CCDC18: variants seen among roughly 807,000 people sequenced by gnomAD.
CCDC18 encodes coiled-coil domain containing 18.
A neutral mutation model predicts 196.0 loss-of-function variants in CCDC18; 157 were observed. The observed-to-expected ratio is 0.80, with a 90% confidence interval of 0.70 to 0.91. CCDC18 has a LOEUF of 0.91. Among genes scored for constraint, CCDC18 ranks in the 40% least tolerant of loss-of-function variants. The probability of loss-of-function intolerance (pLI) is 0.00; values close to 1 mark genes in which losing one functional copy is unlikely to be tolerated. For synonymous variants in CCDC18, 482 were observed against 529.2 expected (o/e 0.91, Z 1.22); for missense variants, 1,465 against 1,611.6 (o/e 0.91, Z 1.56).
At chr1:93,215,760 T>C (rs550818332) in intron 12 of CCDC18, among the ~76,000 whole-genome samples, 1 of 152,300 alleles carries the variant, frequency 6.6e-6, no homozygotes, top group Non-Finnish European at 1.5e-5. Context: ...CTAGCCGGAA[T>C]CTGTATTTTT....
chr1:93,264,675 TC>T, intron 26 of CCDC18, 25 bp from the exon 27 acceptor site: 1 of 1,411,850 alleles, frequency 7.1e-7, no homozygotes, highest in Non-Finnish European at 9.8e-7. Context: ...TTATTTTTTT[TC>T]TTTTCCAATT....
chr1:93,270,437 A>G lies in CCDC18; in HGVS notation c.3976A>G (p.Thr1326Ala). The G allele has an allele frequency of 7.1e-6, 11 of 1,550,456 alleles. No individual in the cohort carries two copies. The highest frequency in any genetic ancestry group is 9.6e-6 in the Non-Finnish European group (11 of 1,146,880). ...KFLPAPFTSP[T>A]EIMPDVQDPK... is the part of the protein sequence containing the mutation. ...TCTGCCAGCCCCATTTACATCTCCA[A>G]CAGAAATTATGCCTGATGTTCAAGA... Residue 1326 changes from threonine to alanine, a missense_variant, in exon 28 of 29, where the codon ACA becomes GCA. Coordinates refer to ENST00000690025, the MANE Select transcript of CCDC18 (RefSeq NM_001378204.1).
At chr1:93,181,371 T>G (rs148010268) in intron 1 of CCDC18, among the ~76,000 whole-genome samples, 11 of 152,142 alleles carry the variant, frequency 7.2e-5, no homozygotes, top group Middle Eastern at 3.4e-3. Context: ...TGTCCTTCGT[T>G]TGATGGGTGT....
chr1:93,228,127 G>A (rs2102379570), intron 17 of CCDC18, among the ~76,000 whole-genome samples: 1 of 152,102 alleles, frequency 6.6e-6, no homozygotes, highest in African/African-American at 2.4e-5. Flanking sequence ...AAAGGGTAGA[G>A]AAGCCAAACA....
At position 93,270,818 on chromosome 1, in the gene CCDC18, TG is replaced by T; in HGVS notation, c.4353+5del. On this transcript the variant is annotated splice_donor_5th_base_variant and intron_variant, in intron 28 of 28. Transcript: ENST00000690025. ...AACAGGTGCTGGTTTAAATCAGGTA[TG>T]TATTTTATACACTGTAAACTGTAAT... The T allele has an allele frequency of 6.6e-7, 1 of 1,512,006 alleles. No homozygotes were observed. The highest frequency in any genetic ancestry group is 2.1e-4 in the Middle Eastern group (1 of 4,802). 93.7% of individuals were successfully genotyped at this position (1,512,006 alleles called of 1,614,324 possible).
intron 23 of CCDC18, among the ~76,000 whole-genome samples, chr1:93,249,659 T>TACATAA: frequency 6.6e-6 from 1 of 152,138 alleles, no homozygotes; most frequent in African/African-American, 2.4e-5. Context: ...TTATCCAGAA[T>TACATAA]ATGTAATATG....
Position 93,258,752 on chromosome 1 carries a change from C to G in CCDC18, c.3551C>G (p.Ala1184Gly), listed in dbSNP as rs1663376058. 6.5e-7 allele frequency: 1 copy of G among 1,539,520 alleles called. No individual in the cohort carries two copies. The highest frequency in any genetic ancestry group is 2.4e-5 in the East Asian group (1 of 41,426). ...ACTCAATATGTCATTTTTAAGGATG[C>G]TCATGGAAACCATTTAGCTGAAGAA... ...DMKQLSKEKD[A>G]HGNHLAEELG... Residue 1184 changes from alanine (A) to glycine (G), a missense_variant, in exon 26 of 29, where the codon GCT becomes GGT. Physicochemically the swap from Ala to Gly is moderately conservative, Grantham distance 60 (BLOSUM62 0). Coordinates refer to ENST00000690025, the MANE Select transcript of CCDC18 (RefSeq NM_001378204.1).
intron 17 of CCDC18, among the ~76,000 whole-genome samples, chr1:93,228,567 C>CT (rs1357271444): frequency 6.6e-6 from 1 of 151,618 alleles, no homozygotes; most frequent in Non-Finnish European, 1.5e-5. Context: ...TCTACCTTCC[C>CT]TTATGAAGGT....
intron 19 of CCDC18, among the ~76,000 whole-genome samples, chr1:93,238,316 G>T (rs1268304956): frequency 6.6e-6 from 1 of 152,060 alleles, no homozygotes; most frequent in African/African-American, 2.4e-5. Context: ...ATTGGTCTAT[G>T]GACATATTTG....
chr1:93,258,709 AC>A (rs762426553), intron 25 of CCDC18, 38 bp from the exon 26 acceptor site: 1 of 1,473,802 alleles, frequency 6.8e-7, no homozygotes, highest in Admixed American at 2.6e-5. Context: ...AACCAAATAA[AC>A]AAGTTTTATA....
At chr1:93,203,919 A>G (rs1654273694) in intron 7 of CCDC18, among the ~76,000 whole-genome samples, 1 of 152,184 alleles carries the variant, frequency 6.6e-6, no homozygotes, top group Non-Finnish European at 1.5e-5. Flanking sequence ...GATACTTTGT[A>G]GAGAGCAACT....
chr1:93,243,879 G>A (rs1426953984), intron 21 of CCDC18, among the ~76,000 whole-genome samples: 1 of 152,108 alleles, frequency 6.6e-6, no homozygotes, highest in African/African-American at 2.4e-5. Context: ...CAAGTCTCTA[G>A]GAAGTTCCAA....
intron 11 of CCDC18, among the ~76,000 whole-genome samples, chr1:93,214,123 T>C (rs1307499088): frequency 6.6e-6 from 1 of 152,176 alleles, no homozygotes; most frequent in Non-Finnish European, 1.5e-5. Flanking sequence ...AGACAGGATC[T>C]TGCCATGTTG....
At chr1:93,235,424 G>A (rs1659941826) in intron 18 of CCDC18, among the ~76,000 whole-genome samples, 1 of 152,148 alleles carries the variant, frequency 6.6e-6, no homozygotes, top group African/African-American at 2.4e-5. Flanking sequence ...AATGAAGGTT[G>A]GGAAATGTCC....
Position 93,264,771 on chromosome 1 carries a change from AACT to A in CCDC18, c.3757_3759del (p.Leu1253del). 6.2e-7 allele frequency: 1 copy of A among 1,613,068 alleles called. No individual in the cohort carries two copies. Among genetic ancestry groups the A allele is most frequent in the Non-Finnish European group, 8.5e-7 (1 of 1,179,160 alleles). ...GACTCTCAAAAGTCTTCTGTTCAGC[AACT>A]AAACGAACAGTTAGAGAAGGCAAAA... On this transcript the variant is annotated inframe_deletion, in exon 27 of 29. Transcript: ENST00000690025.
chr1:93,225,326 A>G (rs1436548305), intron 16 of CCDC18, among the ~76,000 whole-genome samples: 2 of 152,234 alleles, frequency 1.3e-5, no homozygotes, highest in African/African-American at 4.8e-5. Flanking sequence ...GCTCTTTGGT[A>G]TTAAGGTAGT....
At chr1:93,256,567 A>G (rs763017861) in intron 25 of CCDC18, 29 bp downstream of exon 25, 1 of 1,549,752 alleles carries the variant, frequency 6.5e-7, no homozygotes, top group Non-Finnish European at 8.9e-7. Flanking sequence ...AATCTTATGT[A>G]TCTGAAATCT....
upstream of CCDC18, chr1:93,179,943 C>G: frequency 8.0e-7 from 1 of 1,242,270 alleles, no homozygotes. Flanking sequence ...CTGAACGGCC[C>G]TCGCCTCTTC....
intron 6 of CCDC18, 104 bp downstream of exon 6, chr1:93,193,848 TTGG>T: frequency 1.2e-6 from 1 of 859,378 alleles, no homozygotes; most frequent in Non-Finnish European, 1.7e-6. Flanking sequence ...TTTCAGAGAT[TTGG>T]CAATAAATTA....
Sources: gnomAD v4.1 joint callset for allele counts (sites outside exome capture counted in the v4.1 genomes callset) on GRCh38, gnomAD v4.1.1 for gene constraint, MANE v1.5 for transcripts, NCBI Gene and HGNC (gene_info 2026-07-23, HGNC 2026-07-21) for gene names.